The following CAMTA1 variants were observed in gnomAD, a reference collection of about 807,000 sequenced individuals.
CAMTA1 encodes the protein calmodulin-binding transcription activator 1.
CAMTA1 carries 27 observed loss-of-function variants against 170.9 expected under a neutral mutation model. That is an observed-to-expected ratio of 0.16 (90% confidence interval 0.12 to 0.22). The LOEUF is 0.22. Among genes scored for constraint, CAMTA1 ranks in the 10% least tolerant of loss-of-function variants. The probability of loss-of-function intolerance (pLI) is 1.00; values close to 1 mark genes in which losing one functional copy is unlikely to be tolerated. For missense variants in CAMTA1, 1,619 were observed against 2,217.2 expected (o/e 0.73, Z 5.42); for synonymous variants, 833 against 891.5 (o/e 0.93, Z 1.17).
At chr1:7,620,650 T>G (rs2095591780) in intron 6 of CAMTA1, among the ~76,000 whole-genome samples, 1 of 151,928 alleles carries the variant, frequency 6.6e-6, no homozygotes, top group Non-Finnish European at 1.5e-5. Context: ...CATGTCTGTA[T>G]CCGCCCAGCA....
rs542624746 is a variant in CAMTA1, at chr1:7,349,275, G to A, written c.438+99649G>A. ...GCATCAGCAAAACAGAGACTTGTAC[G>A]ATATCCCAGAGCATCCAATGGGGCA... On this transcript the variant is annotated intron_variant, in intron 5 of 22. Coordinates refer to ENST00000303635, the MANE Select transcript of CAMTA1 (RefSeq NM_015215.4). Among the ~76,000 whole-genome samples, 6 of 152,198 alleles carry A rather than the reference G, an allele frequency of 3.9e-5. No homozygotes were observed. The South Asian group carries it at 1.2e-3, about 32-fold the overall frequency.
chr1:7,661,715 T>G lies in CAMTA1; in HGVS notation c.665-11T>G. The stretch of plus-strand genomic sequence containing the variant: ...CGGGCTCTGACAGCCCCCCTGCCTC[T>G]CTCTTCACAGTCCATGGCATCAAGT... On this transcript the variant is annotated splice_polypyrimidine_tract_variant and intron_variant, in intron 7 of 22. Transcript: ENST00000303635. The G allele has an allele frequency of 6.2e-7, 1 of 1,613,106 alleles. No individual in the cohort carries two copies. Among genetic ancestry groups the G allele is most frequent in the Non-Finnish European group, 8.5e-7 (1 of 1,179,808 alleles).
chr1:7,478,305 C>T (rs12049612), intron 6 of CAMTA1, among the ~76,000 whole-genome samples: 11,540 of 152,278 alleles, frequency 0.076, 698 homozygotes, highest in African/African-American at 0.16. Context: ...TCACTTGTTC[C>T]GCAGCCTCAG....
intron 5 of CAMTA1, among the ~76,000 whole-genome samples, chr1:7,424,501 A>G (rs1410144531): frequency 6.6e-6 from 1 of 151,844 alleles, no homozygotes; most frequent in Non-Finnish European, 1.5e-5. Context: ...CTGAGAGGGG[A>G]TCCACATGGT....
In CAMTA1 at chr1:7,640,440, C is replaced by T; in HGVS notation, c.551C>T (p.Ala184Val). 1 of 1,614,158 alleles carries T rather than the reference C, an allele frequency of 6.2e-7. No individual in the cohort carries two copies. The highest frequency in any genetic ancestry group is 8.5e-7 in the Non-Finnish European group (1 of 1,180,032). Reference sequence around the variant, plus strand: ...CTGGTGCACTACCTGAACGTGCCGGCCATCGAGGACTGCGGCAAGCCTTGC... The same window carrying T: ...CTGGTGCACTACCTGAACGTGCCGGTCATCGAGGACTGCGGCAAGCCTTGC... ...IVLVHYLNVP[A>V]IEDCGKPCGP... The change falls in exon 7 of 23, where the codon GCC (alanine) becomes GTC (valine). Residue 184 changes from alanine (A) to valine (V), a missense_variant. By Grantham distance (64) the Ala-to-Val change is moderately conservative. Transcript: ENST00000303635.
chr1:6,785,495 C>G lies in CAMTA1; in HGVS notation c.-36C>G, dbSNP rs746911118. On this transcript the variant is annotated 5_prime_UTR_variant, in exon 1 of 23. Coordinates refer to ENST00000303635, the MANE Select transcript of CAMTA1 (RefSeq NM_015215.4). ...GGCCGGCGGCGGCGGCGGTACGAGG[C>G]GCGCGCTCGGGGTCCCGGTCGCGAG... 9.8e-7 allele frequency: 1 copy of G among 1,021,714 alleles called. No individual in the cohort carries two copies. Among genetic ancestry groups the G allele is most frequent in the Non-Finnish European group, 1.2e-6 (1 of 849,014 alleles). 63.3% of individuals were successfully genotyped at this position (1,021,714 alleles called of 1,614,324 possible).
chr1:7,573,476 T>G (rs1445610109), intron 6 of CAMTA1, among the ~76,000 whole-genome samples: 2 of 152,218 alleles, frequency 1.3e-5, no homozygotes, highest in African/African-American at 4.8e-5. Context: ...AAATTACCAC[T>G]GACCGGGTGG....
At chr1:7,483,957 C>A (rs1206342600) in intron 6 of CAMTA1, among the ~76,000 whole-genome samples, 2 of 152,216 alleles carry the variant, frequency 1.3e-5, no homozygotes, top group Non-Finnish European at 2.9e-5. Flanking sequence ...TTTATTCCCA[C>A]TTTGACCCTT....
In CAMTA1 at chr1:7,191,853, C is replaced by T. The variant is rs571204278; in HGVS notation, c.303-57638C>T. On this transcript the variant is annotated intron_variant, in intron 4 of 22. Transcript: ENST00000303635. Reference sequence around the variant, plus strand: ...TTATTTCTCTAAGAACGTCCCCTTCCTGCAGCGAGAAGGCCAATGCAGAAC... The same window carrying T: ...TTATTTCTCTAAGAACGTCCCCTTCTTGCAGCGAGAAGGCCAATGCAGAAC... Among the ~76,000 whole-genome samples, 391 of 152,258 alleles carry T rather than the reference C, an allele frequency of 2.6e-3. 7 individuals are homozygous for T. Among genetic ancestry groups the T allele is most frequent in the East Asian group, 1.7e-3 (9 of 5,168 alleles).
At chr1:7,153,699 G>A (rs992217632) in intron 4 of CAMTA1, among the ~76,000 whole-genome samples, 10 of 152,240 alleles carry the variant, frequency 6.6e-5, no homozygotes, top group Middle Eastern at 3.4e-3. Context: ...TCTGGTGGGC[G>A]GGGACATTGC....
At chr1:7,158,446 C>T (rs760603349) in intron 4 of CAMTA1, among the ~76,000 whole-genome samples, 4 of 152,108 alleles carry the variant, frequency 2.6e-5, no homozygotes, top group Non-Finnish European at 5.9e-5. Flanking sequence ...CACAGTGAGG[C>T]GCATTTGTCA....
chr1:7,107,278 A>ATATGTGTGTG (rs1553247657), intron 4 of CAMTA1, among the ~76,000 whole-genome samples: 3 of 142,332 alleles, frequency 2.1e-5, no homozygotes, highest in Admixed American at 2.1e-4. Flanking sequence ...GTGTGTGTGC[A>ATATGTGTGTG]TGTGTGTGTG....
rs138302885 is a variant in CAMTA1 at position 7,290,227 on chromosome 1, T to G, written c.438+40601T>G. ...GGCCTGGCAGAGGGAAGGGATGGGG[T>G]GAGGAAACTCGGTTCTGCCTTTGAC... On this transcript the variant is annotated intron_variant, in intron 5 of 22. Coordinates refer to ENST00000303635, the MANE Select transcript of CAMTA1 (RefSeq NM_015215.4). 4.4e-3 allele frequency among the ~76,000 whole-genome samples: 671 copies of G among 152,252 alleles called. 8 individuals carry two copies. Among genetic ancestry groups the G allele is most frequent in the Admixed American group, 0.024 (366 of 15,296 alleles).
At chr1:7,068,206 G>A (rs1380010019) in intron 3 of CAMTA1, among the ~76,000 whole-genome samples, 1 of 152,088 alleles carries the variant, frequency 6.6e-6, no homozygotes, top group Admixed American at 6.6e-5. Flanking sequence ...TTCATGCAGC[G>A]GTGTGGTCGC....
chr1:7,589,325 G>A (rs756091867), intron 6 of CAMTA1, among the ~76,000 whole-genome samples: 67 of 152,318 alleles, frequency 4.4e-4, no homozygotes, highest in Admixed American at 4.6e-4. Flanking sequence ...CACCCCGGCC[G>A]CTGTGGCAGG....
chr1:6,871,669 G>T, intron 3 of CAMTA1: 2 of 1,137,522 alleles, frequency 1.8e-6, no homozygotes, highest in Non-Finnish European at 2.5e-6. Context: ...GAATGATGGG[G>T]TTCAGTTACA....
chr1:7,517,470 G>A (rs563880734), intron 6 of CAMTA1, among the ~76,000 whole-genome samples: 1 of 152,196 alleles, frequency 6.6e-6, no homozygotes, highest in African/African-American at 2.4e-5. Context: ...CACAGAACCT[G>A]GCATTTAGTA....
At chr1:6,798,114 G>A (rs1357703687) in intron 1 of CAMTA1, among the ~76,000 whole-genome samples, 1 of 150,356 alleles carries the variant, frequency 6.7e-6, no homozygotes, top group East Asian at 2.0e-4. Flanking sequence ...CTCCTGCCTC[G>A]CCCCCCAAGT....
intron 18 of CAMTA1, among the ~76,000 whole-genome samples, chr1:7,746,979 CTT>C (rs1006476057): frequency 6.6e-6 from 1 of 152,152 alleles, no homozygotes; most frequent in African/African-American, 2.4e-5. Flanking sequence ...TACAATGTCT[CTT>C]TATTATTCCT....
Sources: allele counts gnomAD v4.1 joint callset (sites outside exome capture counted in the v4.1 genomes callset), GRCh38; gene constraint gnomAD v4.1.1; transcripts MANE v1.5; gene names NCBI Gene and HGNC (gene_info 2026-07-23, HGNC 2026-07-21).